Variants in PCBP3 observed in about 807,000 individuals in gnomAD.
PCBP3 encodes poly(rC)-binding protein 3.
PCBP3 carries 25 observed loss-of-function variants against 52.7 expected under a neutral mutation model. The ratio of observed to expected loss-of-function variants is 0.47; its 90% CI spans 0.35 to 0.66. The LOEUF is 0.66. PCBP3 is among the 30% of genes least tolerant of loss of function. PCBP3 has a pLI of 0.01. For synonymous variants in PCBP3, 162 were observed against 183.0 expected (o/e 0.89, Z 0.93); for missense variants, 391 against 490.3 (o/e 0.80, Z 1.91).
chr21:45,909,823 CG>C (rs1569484551), intron 10 of PCBP3, among the ~76,000 whole-genome samples: 1 of 85,052 alleles, frequency 1.2e-5, no homozygotes, highest in Non-Finnish European at 2.3e-5. Flanking sequence ...GATACGGACC[CG>C]GCCCACCCAC....
At chr21:45,725,787 T>C (rs1217493687) in intron 2 of PCBP3, among the ~76,000 whole-genome samples, 1 of 150,488 alleles carries the variant, frequency 6.6e-6, no homozygotes, top group Non-Finnish European at 1.5e-5. Flanking sequence ...GGAGGAGGTG[T>C]TGGAACTGGG....
At chr21:45,831,974 G>A (rs2093461782) in intron 4 of PCBP3, among the ~76,000 whole-genome samples, 1 of 152,178 alleles carries the variant, frequency 6.6e-6, no homozygotes, top group African/African-American at 2.4e-5. Context: ...GCCTCCCAAA[G>A]TGCTGGAATT....
chr21:45,769,216 G>T lies in PCBP3; in HGVS notation c.-126+13764G>T, dbSNP rs73378572. ...CCCCACAAGACACTGTGGGTGGCAT[G>T]AGATGGGTGGGTTTTCCCACAGTGC... On this transcript the variant is annotated intron_variant, in intron 4 of 17. Transcript: ENST00000681687. Among the ~76,000 whole-genome samples the T allele has an allele frequency of 5.0e-3, 764 of 152,356 alleles. 8 individuals carry two copies. The highest frequency in any genetic ancestry group is 0.017 in the African/African-American group (700 of 41,586).
intron 12 of PCBP3, 149 bp downstream of exon 12, chr21:45,914,174 C>T: frequency 1.4e-6 from 2 of 1,384,560 alleles, no homozygotes; most frequent in Non-Finnish European, 2.0e-6. Context: ...CCACCTACAC[C>T]CAGCACCAGG....
intron 2 of PCBP3, among the ~76,000 whole-genome samples, chr21:45,672,853 C>G (rs2081256321): frequency 1.3e-5 from 2 of 152,308 alleles, no homozygotes; most frequent in Middle Eastern, 6.8e-3. Context: ...TGGACTGTCT[C>G]TAGACGCTTT....
chr21:45,911,248 C>T (rs1415545076), intron 11 of PCBP3: 14 of 635,486 alleles, frequency 2.2e-5, no homozygotes, highest in Non-Finnish European at 3.4e-5. Context: ...TTCGTGGGGG[C>T]GTCTAGGGGA....
intron 3 of PCBP3, chr21:45,750,852 C>T (rs938945655): frequency 3.3e-5 from 5 of 151,862 alleles, no homozygotes; most frequent in African/African-American, 9.7e-5. Flanking sequence ...ATACACACCT[C>T]TGTGTAAGCA....
Position 45,874,842 on chromosome 21 carries a change from G to A in PCBP3, c.11-21366G>A, listed in dbSNP as rs1222056887. On this transcript the variant is annotated intron_variant, in intron 5 of 17. Coordinates refer to ENST00000681687, the MANE Select transcript of PCBP3 (RefSeq NM_001384156.1). ...CACTGTGTCGGTCCCTGTGGTTTTCGCTGCCCGTGTCCCCTGTGCTGCTGC... is the reference window on the plus strand; with the variant it reads ...CACTGTGTCGGTCCCTGTGGTTTTCACTGCCCGTGTCCCCTGTGCTGCTGC... Among the ~76,000 whole-genome samples the A allele has an allele frequency of 4.6e-5, 7 of 152,100 alleles. No homozygotes were observed. The East Asian group carries it at 1.2e-3, about 25-fold the overall frequency.
intron 5 of PCBP3, among the ~76,000 whole-genome samples, chr21:45,861,843 G>A (rs1026385764): frequency 6.6e-6 from 1 of 152,286 alleles, no homozygotes; most frequent in East Asian, 1.9e-4. Flanking sequence ...GTTTTAGTCC[G>A]TTTCTGCTGC....
intron 9 of PCBP3, among the ~76,000 whole-genome samples, chr21:45,908,279 G>A (rs1056984185): frequency 6.6e-6 from 1 of 152,250 alleles, no homozygotes; most frequent in South Asian, 2.1e-4. Context: ...GGCAGGAAGT[G>A]GGAATTTAGT....
At chr21:45,759,878 C>A (rs1476509121) in intron 4 of PCBP3, 2 of 152,108 alleles carry the variant, frequency 1.3e-5, no homozygotes, top group African/African-American at 4.8e-5. Context: ...AAGATCTTAA[C>A]AGAGAGAAAA....
chr21:45,689,621 T>C (rs569606888), intron 2 of PCBP3, among the ~76,000 whole-genome samples: 74 of 152,092 alleles, frequency 4.9e-4, no homozygotes, highest in African/African-American at 1.7e-3. Context: ...ACATATTGGA[T>C]AGGAATTCAC....
intron 4 of PCBP3, among the ~76,000 whole-genome samples, chr21:45,815,132 A>G (rs1225020987): frequency 1.9e-5 from 1 of 52,022 alleles, no homozygotes; most frequent in African/African-American, 8.4e-5. Context: ...GTGAGTGGTG[A>G]GTGAGTGGTG....
At chr21:45,729,183 G>T (rs188481678) in intron 2 of PCBP3, among the ~76,000 whole-genome samples, 2 of 152,104 alleles carry the variant, frequency 1.3e-5, no homozygotes, top group East Asian at 1.9e-4. Flanking sequence ...AACCTTTTAC[G>T]TCTGGGTTCT....
In PCBP3 at chr21:45,937,897, G is replaced by A. The variant is rs563752099; in HGVS notation, c.910-2133G>A. Among the ~76,000 whole-genome samples, 489 of 152,350 alleles carry A rather than the reference G, an allele frequency of 3.2e-3. 2 individuals carry two copies. The highest frequency in any genetic ancestry group is 0.01 in the Middle Eastern group (3 of 294). ...TTCACCTTGGCATTTGTGGTTAGGC[G>A]GGCATGCCCTGGCTGCTCAATGATG... On this transcript the variant is annotated intron_variant, in intron 16 of 17. Coordinates refer to ENST00000681687, the MANE Select transcript of PCBP3 (RefSeq NM_001384156.1).
At position 45,710,315 on chromosome 21, in the gene PCBP3, C is replaced by T. The variant is rs142653546; in HGVS notation, c.-199-25077C>T. The stretch of plus-strand genomic sequence containing the variant: ...TGCTATCCCTCCTGCCTCCCCCAAC[C>T]CCACAACAGTCCCTGGTGTGTGATG... On this transcript the variant is annotated intron_variant, in intron 2 of 17. Coordinates refer to ENST00000681687, the MANE Select transcript of PCBP3 (RefSeq NM_001384156.1). Among the ~76,000 whole-genome samples, 838 of 152,304 alleles carry T rather than the reference C, an allele frequency of 5.5e-3. 5 individuals carry two copies. In the Middle Eastern group the frequency reaches 0.071, roughly 13 times the overall value.
At chr21:45,767,309 C>A (rs1403060279) in intron 4 of PCBP3, among the ~76,000 whole-genome samples, 1 of 152,164 alleles carries the variant, frequency 6.6e-6, no homozygotes, top group African/African-American at 2.4e-5. Context: ...AACCACACAG[C>A]GTCTGGCTTC....
At chr21:45,721,484 G>A (rs1323738346) in intron 2 of PCBP3, among the ~76,000 whole-genome samples, 1 of 151,390 alleles carries the variant, frequency 6.6e-6, no homozygotes, top group East Asian at 1.9e-4. Flanking sequence ...CACTTTTGGT[G>A]AGAGAATTGG....
intron 4 of PCBP3, among the ~76,000 whole-genome samples, chr21:45,806,963 A>G (rs2092525591): frequency 6.6e-6 from 1 of 151,552 alleles, no homozygotes; most frequent in South Asian, 2.1e-4. Flanking sequence ...ATTTAGAAAA[A>G]CCCTTGTGGC....
Sources: gnomAD v4.1 joint callset for allele counts (sites outside exome capture counted in the v4.1 genomes callset) on GRCh38, gnomAD v4.1.1 for gene constraint, MANE v1.5 for transcripts, NCBI Gene and HGNC (gene_info 2026-07-23, HGNC 2026-07-21) for gene names.